Variants in KIF23 observed in about 807,000 individuals in gnomAD.
KIF23 encodes kinesin-like protein KIF23.
KIF23 carries 30 observed loss-of-function variants against 137.5 expected under a neutral mutation model. The observed-to-expected ratio is 0.22, with a 90% CI of 0.16 to 0.30. KIF23 has a LOEUF of 0.30. KIF23 is among the 10% of genes least tolerant of loss of function. The pLI is 1.00. For missense variants in KIF23, 920 were observed against 1,194.3 expected, an observed-to-expected ratio of 0.77 and a Z score of 3.38; for synonymous variants, 367 against 391.1, an observed-to-expected ratio of 0.94 and a Z score of 0.73.
chr15:69,438,314 A>T lies in KIF23; in HGVS notation c.1664A>T (p.Gln555Leu). The T allele has an allele frequency of 6.2e-7, 1 of 1,613,554 alleles. No individual in the cohort carries two copies. The highest frequency in any genetic ancestry group is 8.5e-7 in the Non-Finnish European group (1 of 1,179,808). Reference protein sequence around the residue: ...NAVLSKENHMQGKLNEKEKMI... With the variant: ...NAVLSKENHMLGKLNEKEKMI... Reference sequence around the variant, plus strand: ...GTTTTAAGTAAAGAAAACCACATGCAAGGGAAACTAAATGAAAAGGAGAAG... The same window carrying T: ...GTTTTAAGTAAAGAAAACCACATGCTAGGGAAACTAAATGAAAAGGAGAAG... Residue 555 changes from glutamine to leucine, a missense_variant, in exon 16 of 24, where the codon CAA becomes CTA. By Grantham distance (113) the Gln-to-Leu change is moderately radical (BLOSUM62 -2). Coordinates refer to ENST00000679126, the MANE Select transcript of KIF23 (RefSeq NM_001367805.3).
chr15:69,424,004 C>A (rs1239621402), intron 7 of KIF23, among the ~76,000 whole-genome samples: 1 of 152,120 alleles, frequency 6.6e-6, no homozygotes, highest in Non-Finnish European at 1.5e-5. Flanking sequence ...GTCTTTAATG[C>A]TGTCTTTATT....
intron 11 of KIF23, among the ~76,000 whole-genome samples, chr15:69,433,454 A>G (rs1022715361): frequency 6.6e-6 from 1 of 152,208 alleles, no homozygotes; most frequent in Non-Finnish European, 1.5e-5. Context: ...ATCCTTGCTG[A>G]GATGTAGAGG....
At chr15:69,423,034 G>A (rs1595985603) in intron 6 of KIF23, 125 bp from the exon 7 acceptor site, 8 of 640,696 alleles carry the variant, frequency 1.2e-5, no homozygotes, top group Non-Finnish European at 2.2e-5. Context: ...CCTGATCTCA[G>A]GTGATCCGCC....
rs374471597 is a variant in KIF23, at chr15:69,440,087, G to A, written c.1929+10G>A. The A allele has an allele frequency of 4.8e-5, 77 of 1,611,154 alleles. No individual in the cohort carries two copies. The Middle Eastern group carries it at 6.6e-4, about 14-fold the overall frequency. ...GTGGGAGAAAGAATGTGTGAGTATCGTTTGGGTAGTGCTTGTCTCAGAGTC... is the reference window on the plus strand; with the variant it reads ...GTGGGAGAAAGAATGTGTGAGTATCATTTGGGTAGTGCTTGTCTCAGAGTC... On this transcript the variant is annotated intron_variant, in intron 17 of 23. Transcript: ENST00000679126.
At chr15:69,429,264 A>G (rs751249172) in intron 11 of KIF23, 51 bp downstream of exon 11, 5 of 1,233,218 alleles carry the variant, frequency 4.1e-6, no homozygotes, top group Admixed American at 2.0e-5. Flanking sequence ...GAAACTTGCA[A>G]TGCCAGTTTA....
chr15:69,434,962 C>A (rs1232029859), intron 11 of KIF23: 2 of 645,698 alleles, frequency 3.1e-6, no homozygotes, highest in Non-Finnish European at 5.4e-6. Context: ...GGCGAGCCCT[C>A]AGGTGTGTAG....
chr15:69,432,404 C>T (rs531668268), intron 11 of KIF23, among the ~76,000 whole-genome samples: 10 of 152,170 alleles, frequency 6.6e-5, no homozygotes, highest in African/African-American at 2.2e-4. Context: ...TCATGGACAC[C>T]GAAATAAACC....
At chr15:69,428,850 C>CA (rs2057280690) in intron 10 of KIF23, among the ~76,000 whole-genome samples, 1 of 152,056 alleles carries the variant, frequency 6.6e-6, no homozygotes, top group South Asian at 2.1e-4. Flanking sequence ...TAGTAAAAGA[C>CA]AGAGTCCCTG....
At chr15:69,431,574 A>G (rs1355152794) in intron 11 of KIF23, among the ~76,000 whole-genome samples, 2 of 151,920 alleles carry the variant, frequency 1.3e-5, no homozygotes. Context: ...AGATCGCGCC[A>G]TTGCACTCCA....
chr15:69,429,988 G>C (rs1471240464), intron 11 of KIF23, among the ~76,000 whole-genome samples: 1 of 151,616 alleles, frequency 6.6e-6, no homozygotes, highest in Non-Finnish European at 1.5e-5. Context: ...CTGTACTCCA[G>C]CCTGGGCAAC....
intron 11 of KIF23, among the ~76,000 whole-genome samples, chr15:69,430,262 G>A (rs973244975): frequency 1.3e-5 from 2 of 152,020 alleles, no homozygotes. Context: ...TATCATAGTT[G>A]TACGTACTTT....
chr15:69,422,895 G>A (rs973112315), intron 6 of KIF23: 1 of 330,582 alleles, frequency 3.0e-6, no homozygotes, highest in African/African-American at 2.2e-5. Context: ...CTGCCTTCCA[G>A]GTTCAAACGA....
Position 69,448,277 on chromosome 15 carries a change from A to G in KIF23, c.*470A>G, listed in dbSNP as rs1319120500. 2 of 152,760 alleles carry G rather than the reference A, an allele frequency of 1.3e-5. No homozygotes were observed. The highest frequency in any genetic ancestry group is 4.8e-5 in the African/African-American group (2 of 41,486). 9.5% of individuals were successfully genotyped at this position (152,760 alleles called of 1,614,324 possible). A position where few individuals can be genotyped will look rare whatever the true frequency, so the allele number is the denominator to read the frequency against. Reference sequence around the variant, plus strand: ...AGCTGCAAGAATGCACTTTAGAACTATTTGACAATTCAGACTTTCAAAATA... The same window carrying G: ...AGCTGCAAGAATGCACTTTAGAACTGTTTGACAATTCAGACTTTCAAAATA... On this transcript the variant is annotated 3_prime_UTR_variant, in exon 24 of 24. Transcript: ENST00000679126.
At chr15:69,434,456 G>T in intron 11 of KIF23, 1 of 504,886 alleles carries the variant, frequency 2.0e-6, no homozygotes. Flanking sequence ...AACTTGTTAA[G>T]AGATGCCTCA....
intron 4 of KIF23, 86 bp downstream of exon 4, chr15:69,421,838 A>G: frequency 7.7e-7 from 1 of 1,300,756 alleles, no homozygotes; most frequent in South Asian, 1.3e-5. Context: ...TATTTGATTT[A>G]TGTTTGGTGT....
Position 69,425,263 on chromosome 15 carries a change from T to G in KIF23, c.735-19T>G, listed in dbSNP as rs2057159997. The G allele has an allele frequency of 1.3e-6, 2 of 1,534,750 alleles. No individual in the cohort carries two copies. Among genetic ancestry groups the G allele is most frequent in the Admixed American group, 3.9e-5 (2 of 50,974 alleles). On this transcript the variant is annotated intron_variant, in intron 7 of 23. Transcript: ENST00000679126. ...TGGCTGCTGTAGAAACAGTAACTTC[T>G]ACCTTATTCCTTTGGTAGGTGGAAC...
At chr15:69,442,678 G>A (rs1052651820) in intron 19 of KIF23, among the ~76,000 whole-genome samples, 2 of 152,308 alleles carry the variant, frequency 1.3e-5, no homozygotes, top group East Asian at 1.9e-4. Context: ...ACTCTAGTCA[G>A]TCATTTTATG....
chr15:69,441,102 C>T lies in KIF23; in HGVS notation c.2421+23C>T, dbSNP rs79983350. 2.3e-4 allele frequency: 361 copies of T among 1,548,602 alleles called. 1 individual carries two copies. The highest frequency in any genetic ancestry group is 4.4e-4 in the Admixed American group (22 of 49,516). Reference sequence around the variant, plus strand: ...AGGGTTAGTGCCAGTATTATTTTAACGCATTGTAGCAATAGATTTTATCTT... The same window carrying T: ...AGGGTTAGTGCCAGTATTATTTTAATGCATTGTAGCAATAGATTTTATCTT... On this transcript the variant is annotated intron_variant, in intron 19 of 23. Coordinates refer to ENST00000679126, the MANE Select transcript of KIF23 (RefSeq NM_001367805.3).
intron 23 of KIF23, 57 bp downstream of exon 23, chr15:69,446,998 T>C: frequency 7.1e-7 from 1 of 1,401,466 alleles, no homozygotes; most frequent in Non-Finnish European, 1.0e-6. Flanking sequence ...CTCTGGTCTT[T>C]ACATTATCAC....
Sources: gnomAD v4.1 joint callset for allele counts (sites outside exome capture counted in the v4.1 genomes callset) on GRCh38, gnomAD v4.1.1 for gene constraint, MANE v1.5 for transcripts, NCBI Gene and HGNC (gene_info 2026-07-23, HGNC 2026-07-21) for gene names.